The following RAPGEF5 variants were observed in gnomAD, a reference collection of about 807,000 sequenced individuals.
RAPGEF5 encodes Rap guanine nucleotide exchange factor 5.
RAPGEF5 carries 65 observed loss-of-function variants against 125.2 expected under a neutral mutation model. The ratio of observed to expected loss-of-function variants is 0.52; its 90% CI spans 0.43 to 0.64. RAPGEF5 has a LOEUF of 0.64. Among genes scored for constraint, RAPGEF5 ranks in the 30% least tolerant of loss-of-function variants. RAPGEF5 has a pLI of 0.00. For synonymous variants in RAPGEF5, 391 were observed against 385.9 expected, an observed-to-expected ratio of 1.01 and a Z score of -0.16; for missense variants, 958 against 1,048.1, an observed-to-expected ratio of 0.91 and a Z score of 1.19.
intron 7 of RAPGEF5, among the ~76,000 whole-genome samples, chr7:22,249,340 T>A (rs1006894937): frequency 6.6e-6 from 1 of 151,990 alleles, no homozygotes; most frequent in Non-Finnish European, 1.5e-5. Context: ...GCATGCACCA[T>A]CATGCTTGGC....
chr7:22,145,347 C>A, intron 19 of RAPGEF5, 125 bp from the exon 20 acceptor site: 1 of 879,622 alleles, frequency 1.1e-6, no homozygotes, highest in Non-Finnish European at 1.7e-6. Flanking sequence ...TAACAGAGAA[C>A]ATGGTGAATA....
intron 1 of RAPGEF5, among the ~76,000 whole-genome samples, chr7:22,354,250 T>C (rs1562543928): frequency 2.0e-5 from 3 of 152,184 alleles, no homozygotes; most frequent in African/African-American, 7.2e-5. Context: ...TTGGTCAATA[T>C]AGGAGATGAA....
chr7:22,197,943 G>T lies in RAPGEF5; in HGVS notation c.997-3910C>A, dbSNP rs528344398. On this transcript the variant is annotated intron_variant, in intron 9 of 25. Transcript: ENST00000665637. ...CTCACTCTGTCACCCAGGCTGGAGT[G>T]CAGGAGCACAATCTCCACTCACTGC... is the stretch of plus-strand genomic sequence containing the variant. Among the ~76,000 whole-genome samples the T allele has an allele frequency of 1.9e-4, 29 of 151,094 alleles. No individual in the cohort carries two copies. In the South Asian group the frequency reaches 4.4e-3, roughly 23 times the overall value.
At position 22,154,543 on chromosome 7, in the gene RAPGEF5, A is replaced by G. The variant is rs1196348218; in HGVS notation, c.1698T>C (p.Ser566=). 6.2e-7 allele frequency: 1 copy of G among 1,613,764 alleles called. No individual in the cohort carries two copies. Among genetic ancestry groups the G allele is most frequent in the Non-Finnish European group, 8.5e-7 (1 of 1,179,806 alleles). ...SYVSVKAKVS[S]IAQEILKVVA... ...CGACTTTTAGGATCTCTTGGGCTAT[A>G]CTGGAAACTTTTGCCTTCACACTGA... Residue 566 remains serine (S), a synonymous_variant, in exon 17 of 26, where the codon AGT becomes AGC. Transcript: ENST00000665637.
At chr7:22,297,824 C>T (rs1251736544) in intron 5 of RAPGEF5, among the ~76,000 whole-genome samples, 1 of 152,128 alleles carries the variant, frequency 6.6e-6, no homozygotes, top group Non-Finnish European at 1.5e-5. Flanking sequence ...ACATATTAGC[C>T]TTGTTCTGAT....
At chr7:22,203,258 G>T (rs1270313266) in intron 9 of RAPGEF5, among the ~76,000 whole-genome samples, 1 of 152,064 alleles carries the variant, frequency 6.6e-6, no homozygotes, top group Non-Finnish European at 1.5e-5. Flanking sequence ...TTTCATGGGC[G>T]TGTGGGGCTG....
intron 16 of RAPGEF5, among the ~76,000 whole-genome samples, chr7:22,155,342 T>C (rs558168541): frequency 2.0e-5 from 3 of 152,238 alleles, no homozygotes; most frequent in Non-Finnish European, 4.4e-5. Context: ...ATGATATTAA[T>C]AGCAGAAGCT....
At chr7:22,176,018 A>C (rs1784493603) in intron 11 of RAPGEF5, among the ~76,000 whole-genome samples, 1 of 152,148 alleles carries the variant, frequency 6.6e-6, no homozygotes, top group South Asian at 2.1e-4. Flanking sequence ...GAGACTGGGT[A>C]ATCTATAAAG....
At chr7:22,298,586 C>T (rs1783121901) in intron 5 of RAPGEF5, 1 of 152,146 alleles carries the variant, frequency 6.6e-6, no homozygotes, top group Non-Finnish European at 1.5e-5. Context: ...ATAGAAATGA[C>T]ATAATTTGTC....
rs560999842 is a variant in RAPGEF5 at position 22,351,193 on chromosome 7, C to T, written c.231+5637G>A. Among the ~76,000 whole-genome samples, 11 of 152,234 alleles carry T rather than the reference C, an allele frequency of 7.2e-5. No homozygotes were observed. The South Asian group carries it at 2.3e-3, about 32-fold the overall frequency. On this transcript the variant is annotated intron_variant, in intron 1 of 25. Transcript: ENST00000665637. The stretch of plus-strand genomic sequence containing the variant: ...AGCAACATGGTCTTGCTTTGTTGCC[C>T]AGGCTGATCTTGAGCTATTTTTAAT...
At chr7:22,142,905 A>C (rs990491323) in intron 20 of RAPGEF5, among the ~76,000 whole-genome samples, 1 of 152,204 alleles carries the variant, frequency 6.6e-6, no homozygotes, top group Non-Finnish European at 1.5e-5. Context: ...GATTACAGGG[A>C]ATTTAACTTT....
In RAPGEF5 at chr7:22,150,511, T is replaced by G; in HGVS notation, c.1787-7A>C. The G allele has an allele frequency of 1.4e-6, 2 of 1,380,124 alleles. No homozygotes were observed. The highest frequency in any genetic ancestry group is 9.4e-7 in the Non-Finnish European group (1 of 1,063,068). 85.5% of individuals were successfully genotyped at this position (1,380,124 alleles called of 1,614,324 possible). On this transcript the variant is annotated splice_region_variant and splice_polypyrimidine_tract_variant and intron_variant, in intron 17 of 25. Coordinates refer to ENST00000665637, the MANE Select transcript of RAPGEF5 (RefSeq NM_012294.5). ...GGCTGAAGTTCATGCTTTTCTTTATTTGAAAAAAAAAAAAAAAAAAGGAAT... is the reference window on the plus strand; with the variant it reads ...GGCTGAAGTTCATGCTTTTCTTTATGTGAAAAAAAAAAAAAAAAAAGGAAT...
chr7:22,126,043 G>A (rs1424570197), intron 24 of RAPGEF5, among the ~76,000 whole-genome samples: 6 of 152,098 alleles, frequency 3.9e-5, no homozygotes, highest in East Asian at 1.9e-4. Context: ...CCAGCTACTC[G>A]GGAGGCTGAG....
intron 7 of RAPGEF5, among the ~76,000 whole-genome samples, chr7:22,247,812 T>G (rs2128137535): frequency 6.6e-6 from 1 of 152,180 alleles, no homozygotes; most frequent in African/African-American, 2.4e-5. Context: ...AATGAAATAA[T>G]GTCCTTTGTA....
At chr7:22,231,277 T>A (rs990250518) in intron 7 of RAPGEF5, among the ~76,000 whole-genome samples, 1 of 152,202 alleles carries the variant, frequency 6.6e-6, no homozygotes, top group Non-Finnish European at 1.5e-5. Flanking sequence ...ATATTTTTTT[T>A]AATGTGGCTT....
intron 7 of RAPGEF5, among the ~76,000 whole-genome samples, chr7:22,265,022 T>C (rs113341017): frequency 6.6e-5 from 10 of 152,286 alleles, no homozygotes; most frequent in African/African-American, 2.2e-4. Context: ...CATATTTGTA[T>C]GGTACATGAT....
At chr7:22,289,822 T>C (rs373104301) in intron 6 of RAPGEF5, among the ~76,000 whole-genome samples, 1 of 152,178 alleles carries the variant, frequency 6.6e-6, no homozygotes, top group Non-Finnish European at 1.5e-5. Flanking sequence ...GTTCTAATGA[T>C]AGTGAGTGAG....
chr7:22,263,705 G>A (rs191810841), intron 7 of RAPGEF5, among the ~76,000 whole-genome samples: 1 of 150,866 alleles, frequency 6.6e-6, no homozygotes, highest in African/African-American at 2.4e-5. Flanking sequence ...ACTCCATTCT[G>A]GGCGACAGAG....
At chr7:22,161,262 T>TG (rs1459891317) in intron 13 of RAPGEF5, among the ~76,000 whole-genome samples, 1 of 151,438 alleles carries the variant, frequency 6.6e-6, no homozygotes, top group Non-Finnish European at 1.5e-5. Flanking sequence ...TAATATAGGT[T>TG]GGGTGTGGTG....
Sources: gnomAD v4.1 joint callset for allele counts (sites outside exome capture counted in the v4.1 genomes callset) on GRCh38, gnomAD v4.1.1 for gene constraint, MANE v1.5 for transcripts, NCBI Gene and HGNC (gene_info 2026-07-23, HGNC 2026-07-21) for gene names.